Variants in PIK3CA observed in about 807,000 individuals in gnomAD.
PIK3CA encodes phosphatidylinositol 4,5-bisphosphate 3-kinase catalytic subunit alpha isoform.
In PIK3CA, 27 loss-of-function variants were observed where a neutral mutation model predicts 138.2. That is an observed-to-expected ratio of 0.20 (90% CI 0.14 to 0.27). PIK3CA has a LOEUF of 0.27. Among genes scored for constraint, PIK3CA ranks in the 10% least tolerant of loss-of-function variants. The pLI is 1.00. For missense variants in PIK3CA, 544 were observed against 1,277.4 expected (o/e 0.43, Z 8.75); for synonymous variants, 358 against 413.2 (o/e 0.87, Z 1.62).
intron 1 of PIK3CA, among the ~76,000 whole-genome samples, chr3:179,157,340 T>G (rs1446636852): frequency 6.6e-6 from 1 of 152,138 alleles, no homozygotes. Context: ...TTGTAAAAGT[T>G]GAACATGACT....
intron 10 of PIK3CA, among the ~76,000 whole-genome samples, chr3:179,218,916 C>T (rs1221102023): frequency 1.3e-5 from 2 of 151,968 alleles, no homozygotes; most frequent in East Asian, 1.9e-4. Flanking sequence ...AGTGGTATAA[C>T]ATATATTCAT....
At chr3:179,149,306 C>G (rs61453354) in intron 1 of PIK3CA, among the ~76,000 whole-genome samples, 1 of 152,026 alleles carries the variant, frequency 6.6e-6, no homozygotes, top group African/African-American at 2.4e-5. Flanking sequence ...TTCCATGGCT[C>G]TTAAGTGGCT....
chr3:179,210,973 G>T (rs1280151113), intron 9 of PIK3CA, among the ~76,000 whole-genome samples: 1 of 151,810 alleles, frequency 6.6e-6, no homozygotes, highest in Non-Finnish European at 1.5e-5. Context: ...ACTTATATGT[G>T]GATTTTTTTC....
At chr3:179,229,930 C>T in intron 18 of PIK3CA, 74 bp from the exon 19 acceptor site, 1 of 869,018 alleles carries the variant, frequency 1.2e-6, no homozygotes, top group Middle Eastern at 2.3e-4. Context: ...GAAACTTGCA[C>T]CCTGTTTTCT....
chr3:179,231,673 C>T (rs1197164445), intron 20 of PIK3CA, among the ~76,000 whole-genome samples: 3 of 100,606 alleles, frequency 3.0e-5, no homozygotes, highest in African/African-American at 1.2e-4. Flanking sequence ...TGGAGTCTCA[C>T]TCTTGTTGCC....
chr3:179,207,000 AGAAAG>A (rs1217907468), intron 6 of PIK3CA, among the ~76,000 whole-genome samples: 1 of 152,112 alleles, frequency 6.6e-6, no homozygotes, highest in Non-Finnish European at 1.5e-5. Context: ...ATAGCTATTT[AGAAAG>A]GACTATATTT....
chr3:179,228,806 T>G (rs901580164), intron 17 of PIK3CA, among the ~76,000 whole-genome samples: 4 of 152,088 alleles, frequency 2.6e-5, no homozygotes, highest in African/African-American at 9.7e-5. Context: ...ATTTTTATTT[T>G]CCCTATTTCA....
At chr3:179,211,544 G>A (rs1374204263) in intron 9 of PIK3CA, among the ~76,000 whole-genome samples, 2 of 152,148 alleles carry the variant, frequency 1.3e-5, no homozygotes, top group Non-Finnish European at 2.9e-5. Flanking sequence ...GCATGTGCCT[G>A]TAATCCCAGC....
chr3:179,165,206 A>G (rs1049609685), intron 1 of PIK3CA, among the ~76,000 whole-genome samples: 7 of 152,154 alleles, frequency 4.6e-5, no homozygotes, highest in Admixed American at 1.3e-4. Flanking sequence ...TCACACTGCT[A>G]TTACAATAAT....
rs1051397 is a variant in PIK3CA at position 179,198,835 on chromosome 3, C to G, written c.10C>G (p.Arg4Gly). Residue 4 changes from arginine (R) to glycine (G), a missense_variant, in exon 2 of 21, where the codon CGA (arginine) becomes GGA (glycine). Physicochemically the swap from Arg to Gly is moderately radical, Grantham distance 125. This residue lies in a region of PIK3CA where 47 missense variants were observed against 84.0 expected (regional missense o/e 0.56). Transcript: ENST00000263967. ...GCAAAGAATCAGAACAATGCCTCCA[C>G]GACCATCATCAGGTGAACTGTGGGG... MPP[R>G]PSSGELWGIH... 1 of 1,536,224 alleles carries G rather than the reference C, an allele frequency of 6.5e-7. No homozygotes were observed.
At chr3:179,185,550 G>C (rs1018827596) in intron 1 of PIK3CA, among the ~76,000 whole-genome samples, 8 of 152,132 alleles carry the variant, frequency 5.3e-5, no homozygotes, top group Non-Finnish European at 8.8e-5. Flanking sequence ...CCTAGAGATA[G>C]CATCAGATCC....
At chr3:179,193,577 C>T (rs1724189939) in intron 1 of PIK3CA, among the ~76,000 whole-genome samples, 1 of 152,212 alleles carries the variant, frequency 6.6e-6, no homozygotes, top group African/African-American at 2.4e-5. Context: ...TAATATAACA[C>T]AGTAATTGGT....
chr3:179,227,131 T>G (rs1408237138), intron 17 of PIK3CA, among the ~76,000 whole-genome samples: 2 of 152,104 alleles, frequency 1.3e-5, no homozygotes, highest in African/African-American at 4.8e-5. Flanking sequence ...ATTAGAAATA[T>G]TAATGGTTTT....
chr3:179,172,067 C>T (rs1042844356), intron 1 of PIK3CA, among the ~76,000 whole-genome samples: 4 of 151,968 alleles, frequency 2.6e-5, no homozygotes, highest in Non-Finnish European at 5.9e-5. Context: ...TTTATCCCAG[C>T]AATGCAAGGC....
At chr3:179,180,570 T>C (rs1723816404) in intron 1 of PIK3CA, among the ~76,000 whole-genome samples, 2 of 152,016 alleles carry the variant, frequency 1.3e-5, no homozygotes, top group African/African-American at 4.8e-5. Flanking sequence ...AAAAAGGTGA[T>C]GAATTTGAGG....
Position 179,221,015 on chromosome 3 carries a change from A to G in PIK3CA, c.2045A>G (p.Gln682Arg), listed in dbSNP as rs1467298802. 1 of 1,612,960 alleles carries G rather than the reference A, an allele frequency of 6.2e-7. No individual in the cohort carries two copies. Among genetic ancestry groups the G allele is most frequent in the East Asian group, 2.2e-5 (1 of 44,842 alleles). ...KSEMHNKTVS[Q>R]RFGLLLESYC... ...GAGATGCACAATAAAACAGTTAGCC[A>G]GAGGTTTGGCCTGCTTTTGGAGTCC... The change falls in exon 14 of 21, where the codon CAG becomes CGG. Residue 682 changes from glutamine (Q) to arginine (R), a missense_variant. Coordinates refer to ENST00000263967, the MANE Select transcript of PIK3CA (RefSeq NM_006218.4).
chr3:179,212,337 T>G, intron 9 of PIK3CA, among the ~76,000 whole-genome samples: 1 of 133,570 alleles, frequency 7.5e-6, no homozygotes, highest in African/African-American at 2.8e-5. Flanking sequence ...AGAGATGGGG[T>G]AGGTGGATCA....
chr3:179,224,285 A>C, intron 15 of PIK3CA, 98 bp downstream of exon 15: 1 of 612,522 alleles, frequency 1.6e-6, no homozygotes, highest in Middle Eastern at 3.7e-4. Flanking sequence ...TAGAATGTTC[A>C]ATAATTTATG....
intron 9 of PIK3CA, among the ~76,000 whole-genome samples, chr3:179,212,003 CTTTG>C (rs767552132): frequency 4.6e-5 from 7 of 151,946 alleles, no homozygotes; most frequent in African/African-American, 7.2e-5. Context: ...ACAACATAAA[CTTTG>C]TTTGTTTTTG....
Sources: allele counts gnomAD v4.1 joint callset (sites outside exome capture counted in the v4.1 genomes callset), GRCh38; gene constraint gnomAD v4.1.1; regional missense constraint gnomAD v4.1.1; transcripts MANE v1.5; gene names NCBI Gene and HGNC (gene_info 2026-07-23, HGNC 2026-07-21).